SLC14A1: variants seen among roughly 807,000 people sequenced by gnomAD.
The protein encoded by SLC14A1 is urea transporter 1.
A neutral mutation model predicts 39.6 loss-of-function variants in SLC14A1; 36 were observed. The observed-to-expected ratio is 0.91, with a 90% CI of 0.70 to 1.20. SLC14A1 has a LOEUF of 1.20. SLC14A1 is among the 50% of genes most tolerant of loss of function. The pLI, the probability that SLC14A1 is intolerant of heterozygous loss-of-function variation, is 0.00. For missense variants in SLC14A1, 469 were observed against 478.7 expected, an observed-to-expected ratio of 0.98 and a Z score of 0.19; for synonymous variants, 164 against 173.6, an observed-to-expected ratio of 0.94 and a Z score of 0.43.
chr18:45,747,932 T>G (rs1203570701), intron 8 of SLC14A1, among the ~76,000 whole-genome samples: 1 of 152,230 alleles, frequency 6.6e-6, no homozygotes, highest in Non-Finnish European at 1.5e-5. Flanking sequence ...GAATCCTAGA[T>G]GCTATCTCAA....
intron 8 of SLC14A1, among the ~76,000 whole-genome samples, chr18:45,746,901 A>G (rs1026290854): frequency 6.6e-6 from 1 of 152,260 alleles, no homozygotes; most frequent in African/African-American, 2.4e-5. Context: ...ATAAAATGGC[A>G]GAGCTGGGAT....
chr18:45,734,606 G>C (rs761344869), intron 5 of SLC14A1, among the ~76,000 whole-genome samples: 1 of 152,190 alleles, frequency 6.6e-6, no homozygotes, highest in African/African-American at 2.4e-5. Context: ...CGGGTGCGGT[G>C]GTTCTTGTTT....
In SLC14A1 at chr18:45,739,666, A is replaced by G; in HGVS notation, c.946+4A>G. ...CACCTCCTGGCTCTTGGCTGTGGTG[A>G]GTCTCCCACGCCCCTGGGGGAGGGC... On this transcript the variant is annotated splice_donor_region_variant and intron_variant, in intron 8 of 9. Coordinates refer to ENST00000321925, the MANE Select transcript of SLC14A1 (RefSeq NM_015865.7). 1 of 1,614,082 alleles carries G rather than the reference A, an allele frequency of 6.2e-7. No homozygotes were observed. The highest frequency in any genetic ancestry group is 1.3e-5 in the African/African-American group (1 of 75,022).
chr18:45,743,585 G>T (rs1438300191), intron 8 of SLC14A1, among the ~76,000 whole-genome samples: 1 of 152,132 alleles, frequency 6.6e-6, no homozygotes, highest in Non-Finnish European at 1.5e-5. Context: ...CCCCATCTTA[G>T]AAAATGGAAG....
chr18:45,743,007 C>T (rs16978478), intron 8 of SLC14A1, among the ~76,000 whole-genome samples: 2,790 of 152,326 alleles, frequency 0.018, 94 homozygotes, highest in African/African-American at 0.063. Context: ...TTTGACAGAC[C>T]ATGGAGAAGA....
chr18:45,727,617 G>A (rs745329914), intron 2 of SLC14A1, among the ~76,000 whole-genome samples: 8 of 152,210 alleles, frequency 5.3e-5, no homozygotes, highest in Admixed American at 6.5e-5. Flanking sequence ...AGTTTTGACA[G>A]CCATGGAAAA....
chr18:45,734,392 T>A lies in SLC14A1; in HGVS notation c.460T>A (p.Ser154Thr). The change falls in exon 5 of 10, where the codon TCC becomes ACC. Residue 154 changes from serine to threonine, a missense_variant. Transcript: ENST00000321925. ...WWLLLPVCAMSMTCPIFSSAL... is the reference protein window; with the variant it reads ...WWLLLPVCAMTMTCPIFSSAL... ...GCTGTTACTCCCTGTATGTGCTATG[T>A]CCATGACTTGGTAAGTTACAATTGG... 6.2e-7 allele frequency: 1 copy of A among 1,613,322 alleles called. No homozygotes were observed. Among genetic ancestry groups the A allele is most frequent in the Non-Finnish European group, 8.5e-7 (1 of 1,179,782 alleles).
rs1332270526 is a variant in SLC14A1, at chr18:45,750,864, G to A, written c.*913G>A. On this transcript the variant is annotated 3_prime_UTR_variant, in exon 10 of 10. Transcript: ENST00000321925. ...ATAGAATTGTTACCAACCTCCAAAGGGCTCTTTAAAATCATATTTTTTATT... is the reference window on the plus strand; with the variant it reads ...ATAGAATTGTTACCAACCTCCAAAGAGCTCTTTAAAATCATATTTTTTATT... The A allele has an allele frequency of 3.0e-6, 3 of 984,982 alleles. No homozygotes were observed. The highest frequency in any genetic ancestry group is 5.2e-4 in the Middle Eastern group (1 of 1,936). The allele number at this position is 984,982 out of a possible 1,614,324, so 61.0% of individuals were successfully genotyped here. A position where few individuals can be genotyped will look rare whatever the true frequency, so the allele number is the denominator to read the frequency against.
At chr18:45,737,765 T>G (rs2047239805) in intron 6 of SLC14A1, among the ~76,000 whole-genome samples, 1 of 152,212 alleles carries the variant, frequency 6.6e-6, no homozygotes, top group Non-Finnish European at 1.5e-5. Context: ...TTCCTCAACC[T>G]CTCTAGCCAC....
intron 8 of SLC14A1, chr18:45,741,021 G>A (rs547680879): frequency 1.3e-5 from 2 of 152,392 alleles, no homozygotes; most frequent in South Asian, 2.1e-4. Flanking sequence ...GGGTCCTGAG[G>A]CCAGAGAGGC....
chr18:45,735,364 C>G (rs1207993766), intron 5 of SLC14A1, among the ~76,000 whole-genome samples: 1 of 152,190 alleles, frequency 6.6e-6, no homozygotes, highest in Non-Finnish European at 1.5e-5. Context: ...TAACGCATTC[C>G]CACATGATGC....
At chr18:45,734,484 G>A (rs1334004127) in intron 5 of SLC14A1, 82 bp downstream of exon 5, 6 of 1,486,536 alleles carry the variant, frequency 4.0e-6, no homozygotes, top group Non-Finnish European at 5.6e-6. Context: ...TTATATGGCA[G>A]AGTTTCAGTT....
Position 45,739,131 on chromosome 18 carries a change from G to A in SLC14A1, c.664-32G>A, listed in dbSNP as rs780556737. On this transcript the variant is annotated intron_variant, in intron 6 of 9. Coordinates refer to ENST00000321925, the MANE Select transcript of SLC14A1 (RefSeq NM_015865.7). Reference sequence around the variant, plus strand: ...TGTGGGTTTCTGTTCAGTTGTTTTGGTAGCCTCATTTTTCTTAAATTTCTT... The same window carrying A: ...TGTGGGTTTCTGTTCAGTTGTTTTGATAGCCTCATTTTTCTTAAATTTCTT... 4.3e-6 allele frequency: 7 copies of A among 1,613,838 alleles called. No individual in the cohort carries two copies. In the Admixed American group the frequency reaches 8.3e-5, roughly 19 times the overall value.
chr18:45,743,913 TGTCGTAA>T (rs1305850913), intron 8 of SLC14A1, among the ~76,000 whole-genome samples: 1 of 152,228 alleles, frequency 6.6e-6, no homozygotes, highest in Non-Finnish European at 1.5e-5. Context: ...ATTTTGGATT[TGTCGTAA>T]GTATAAGTTT....
intron 8 of SLC14A1, among the ~76,000 whole-genome samples, chr18:45,742,353 G>GTTTTTT (rs34628652): frequency 2.5e-5 from 3 of 118,052 alleles, no homozygotes; most frequent in Non-Finnish European, 4.9e-5. Context: ...TTGTTTTTTG[G>GTTTTTT]TTTTTTTTTT....
At chr18:45,727,331 G>A in intron 2 of SLC14A1, 2 of 1,551,640 alleles carry the variant, frequency 1.3e-6, no homozygotes, top group Non-Finnish European at 1.7e-6. Context: ...CTGTTTGGAA[G>A]GACCCTTTTG....
chr18:45,748,187 C>A (rs1296766720), intron 8 of SLC14A1, among the ~76,000 whole-genome samples, 189 bp from the exon 9 acceptor site: 1 of 152,144 alleles, frequency 6.6e-6, no homozygotes, highest in African/African-American at 2.4e-5. Context: ...GAAATGGAGG[C>A]TTAAAACAGA....
In SLC14A1 at chr18:45,731,414, G is replaced by T. The variant is rs1339784368; in HGVS notation, c.341+210G>T. On this transcript the variant is annotated intron_variant, in intron 4 of 9. Transcript: ENST00000321925. ...TGAATAAATGGCTGGTCTAAATGAT[G>T]CCAGATTCTTGTGGCATTACGTGCT... The T allele has an allele frequency of 2.5e-5, 16 of 630,082 alleles. 1 individual carries two copies. The South Asian group carries it at 2.8e-4, about 11-fold the overall frequency. The allele number at this position is 630,082 out of a possible 1,614,324, so 39.0% of individuals were successfully genotyped here. A position where few individuals can be genotyped will look rare whatever the true frequency, so the allele number is the denominator to read the frequency against.
intron 8 of SLC14A1, chr18:45,741,276 C>T (rs915906560): frequency 1.3e-5 from 2 of 152,154 alleles, no homozygotes; most frequent in Non-Finnish European, 2.9e-5. Context: ...ATGCCTAATT[C>T]AATCAAAGTA....
Sources: allele counts gnomAD v4.1 joint callset (sites outside exome capture counted in the v4.1 genomes callset), GRCh38; gene constraint gnomAD v4.1.1; transcripts MANE v1.5; gene names NCBI Gene and HGNC (gene_info 2026-07-23, HGNC 2026-07-21).